The following NEBL variants were observed in gnomAD, a reference collection of about 807,000 sequenced individuals.
The protein encoded by NEBL is nebulette.
A neutral mutation model predicts 140.2 loss-of-function variants in NEBL; 122 were observed. The ratio of observed to expected loss-of-function variants is 0.87; its 90% CI spans 0.75 to 1.01. The LOEUF (loss-of-function observed/expected upper bound fraction) is 1.01, where lower values mean the gene tolerates loss of function less well. Among genes scored for constraint, NEBL ranks in the 50% least tolerant of loss-of-function variants. The probability of loss-of-function intolerance (pLI) is 0.00; values close to 1 mark genes in which losing one functional copy is unlikely to be tolerated. For synonymous variants in NEBL, 436 were observed against 398.9 expected (o/e 1.09, Z -1.11); for missense variants, 1,365 against 1,231.3 (o/e 1.11, Z -1.62).
intron 3 of NEBL, among the ~76,000 whole-genome samples, chr10:20,980,211 T>C (rs536583077): frequency 1.3e-5 from 2 of 152,274 alleles, no homozygotes; most frequent in South Asian, 4.1e-4. Context: ...GGAGTTGGTA[T>C]CACCTATAAA....
At chr10:21,135,452 G>A (rs1011982311) in intron 2 of NEBL, among the ~76,000 whole-genome samples, 1 of 151,910 alleles carries the variant, frequency 6.6e-6, no homozygotes, top group Non-Finnish European at 1.5e-5. Context: ...AAAAAAATCT[G>A]GCAATGATGC....
chr10:21,248,843 T>G (rs1265370094), intron 2 of NEBL, among the ~76,000 whole-genome samples: 1 of 148,382 alleles, frequency 6.7e-6, no homozygotes, highest in Non-Finnish European at 1.5e-5. Flanking sequence ...TCTGTTTTGT[T>G]TTTTTTTTTG....
At chr10:21,061,795 T>C (rs1233398712) in intron 2 of NEBL, among the ~76,000 whole-genome samples, 6 of 152,174 alleles carry the variant, frequency 3.9e-5, no homozygotes, top group Non-Finnish European at 8.8e-5. Context: ...CTAAATAATA[T>C]GACTGCTTGG....
chr10:21,089,730 A>T (rs1836821832), intron 2 of NEBL, among the ~76,000 whole-genome samples: 1 of 152,138 alleles, frequency 6.6e-6, no homozygotes. Flanking sequence ...GTGCTTCAAC[A>T]ACAGAATCTT....
intron 26 of NEBL, among the ~76,000 whole-genome samples, chr10:20,790,424 G>A (rs1835851391): frequency 6.6e-6 from 1 of 151,822 alleles, no homozygotes; most frequent in Non-Finnish European, 1.5e-5. Flanking sequence ...CCAACATGGT[G>A]AAACCATCTC....
chr10:21,117,432 T>C (rs888374018), intron 2 of NEBL, among the ~76,000 whole-genome samples: 3 of 152,108 alleles, frequency 2.0e-5, no homozygotes, highest in African/African-American at 7.2e-5. Flanking sequence ...CTAGCAGCCT[T>C]AGCCTCTCCA....
At chr10:21,207,104 G>A (rs1396010243) in intron 3 of NEBL, among the ~76,000 whole-genome samples, 1 of 150,900 alleles carries the variant, frequency 6.6e-6, no homozygotes, top group Non-Finnish European at 1.5e-5. Context: ...CTCCTCAGTA[G>A]CTGGGATTAC....
At chr10:20,807,540 A>G (rs1453112784) in intron 26 of NEBL, among the ~76,000 whole-genome samples, 4 of 152,238 alleles carry the variant, frequency 2.6e-5, no homozygotes, top group Non-Finnish European at 5.9e-5. Flanking sequence ...TTTTATTCCC[A>G]TTAGTGTTTC....
chr10:21,259,374 A>T (rs1588572448), intron 1 of NEBL, among the ~76,000 whole-genome samples: 1 of 152,204 alleles, frequency 6.6e-6, no homozygotes, highest in East Asian at 1.9e-4. Flanking sequence ...GAGCGAATGG[A>T]TACAGGAGGA....
chr10:20,894,457 A>T (rs1211978243), intron 2 of NEBL, among the ~76,000 whole-genome samples: 1 of 151,996 alleles, frequency 6.6e-6, no homozygotes, highest in African/African-American at 2.4e-5. Flanking sequence ...TGGGCAACAG[A>T]GTGAGACTCT....
chr10:20,921,912 T>C (rs751717465), intron 4 of NEBL, among the ~76,000 whole-genome samples: 12 of 152,188 alleles, frequency 7.9e-5, no homozygotes, highest in South Asian at 2.1e-4. Flanking sequence ...AATAAGTACA[T>C]ATAAAAATAT....
intron 26 of NEBL, among the ~76,000 whole-genome samples, chr10:20,792,699 C>T (rs1204721761): frequency 6.6e-6 from 1 of 151,860 alleles, no homozygotes; most frequent in East Asian, 1.9e-4. Flanking sequence ...ACTTGGGAGG[C>T]TGAGGCAGGA....
intron 2 of NEBL, among the ~76,000 whole-genome samples, chr10:21,099,942 G>C (rs1195265296): frequency 6.6e-6 from 1 of 152,082 alleles, no homozygotes; most frequent in African/African-American, 2.4e-5. Context: ...CCCCTATTTA[G>C]GTTTGCCAAT....
chr10:21,126,946 G>A (rs544775201), intron 2 of NEBL, among the ~76,000 whole-genome samples: 1 of 139,464 alleles, frequency 7.2e-6, no homozygotes, highest in Non-Finnish European at 1.5e-5. Flanking sequence ...CTACACTCCA[G>A]CCTGGGTGAC....
intron 16 of NEBL, among the ~76,000 whole-genome samples, chr10:20,829,052 C>A (rs1840153430): frequency 6.6e-6 from 1 of 152,072 alleles, no homozygotes; most frequent in African/African-American, 2.4e-5. Flanking sequence ...ATACTTAACA[C>A]ACACTAACTC....
intron 3 of NEBL, among the ~76,000 whole-genome samples, chr10:21,004,349 G>GA (rs374979602): frequency 0.018 from 2,754 of 151,884 alleles, 78 homozygotes; most frequent in African/African-American, 0.063. Flanking sequence ...TAAAATTTTG[G>GA]AAAAAAAATG....
chr10:21,040,525 C>T (rs931912438), intron 2 of NEBL, among the ~76,000 whole-genome samples: 4 of 152,100 alleles, frequency 2.6e-5, no homozygotes, highest in Non-Finnish European at 5.9e-5. Flanking sequence ...ATGCCAGACT[C>T]CTTTAAACAG....
chr10:21,157,240 T>C (rs116349488), intron 2 of NEBL, among the ~76,000 whole-genome samples: 2,360 of 152,266 alleles, frequency 0.015, 58 homozygotes, highest in African/African-American at 0.053. Flanking sequence ...TGATCTTTTA[T>C]AAGCTTTATT....
chr10:20,876,916 A>C (rs1189693696), intron 5 of NEBL, among the ~76,000 whole-genome samples: 1 of 152,208 alleles, frequency 6.6e-6, no homozygotes. Flanking sequence ...ATGTCCCTTA[A>C]GGTACAAAAA....
Sources: gnomAD v4.1 joint callset for allele counts (sites outside exome capture counted in the v4.1 genomes callset) on GRCh38, gnomAD v4.1.1 for gene constraint, MANE v1.5 for transcripts, NCBI Gene and HGNC (gene_info 2026-07-23, HGNC 2026-07-21) for gene names.